Variants in SLC25A13 observed in about 807,000 individuals in gnomAD.
The protein encoded by SLC25A13 is electrogenic aspartate/glutamate antiporter SLC25A13, mitochondrial.
SLC25A13 carries 70 observed loss-of-function variants against 85.5 expected under a neutral mutation model. The observed-to-expected ratio is 0.82, with a 90% CI of 0.68 to 1.00. The LOEUF (loss-of-function observed/expected upper bound fraction) is 1.00. SLC25A13 is among the 50% of genes least tolerant of loss of function. The pLI is 0.00. For missense variants in SLC25A13, 765 were observed against 819.8 expected, an observed-to-expected ratio of 0.93 and a Z score of 0.82; for synonymous variants, 259 against 288.7, an observed-to-expected ratio of 0.90 and a Z score of 1.04.
At chr7:96,213,697 C>T (rs1182824393) in intron 4 of SLC25A13, among the ~76,000 whole-genome samples, 1 of 152,168 alleles carries the variant, frequency 6.6e-6, no homozygotes, top group South Asian at 2.1e-4. Context: ...AGGTAAGAAC[C>T]ACCTGCTAGA....
At chr7:96,196,597 G>C (rs1009029131) in intron 5 of SLC25A13, among the ~76,000 whole-genome samples, 7 of 152,198 alleles carry the variant, frequency 4.6e-5, no homozygotes, top group African/African-American at 1.7e-4. Flanking sequence ...TCTATGAGCA[G>C]GGACCCCTCA....
intron 2 of SLC25A13, among the ~76,000 whole-genome samples, chr7:96,279,094 TG>T (rs1196258313): frequency 1.3e-5 from 2 of 152,276 alleles, no homozygotes; most frequent in African/African-American, 4.8e-5. Context: ...GAAGAGAAAT[TG>T]TTGAGTCAAA....
At chr7:96,224,408 C>T (rs1176766671) in intron 4 of SLC25A13, among the ~76,000 whole-genome samples, 1 of 152,168 alleles carries the variant, frequency 6.6e-6, no homozygotes, top group Non-Finnish European at 1.5e-5. Context: ...GCCCTGACAA[C>T]CACCCTCCCA....
chr7:96,280,038 C>T (rs769569241), intron 2 of SLC25A13, among the ~76,000 whole-genome samples: 38 of 152,294 alleles, frequency 2.5e-4, no homozygotes, highest in African/African-American at 4.8e-4. Context: ...GGCTGACCTA[C>T]GCTCCATGGG....
intron 11 of SLC25A13, among the ~76,000 whole-genome samples, chr7:96,179,919 C>T (rs1794354682): frequency 6.6e-6 from 1 of 152,158 alleles, no homozygotes; most frequent in South Asian, 2.1e-4. Context: ...CACTGTGATT[C>T]TAAAGAATCT....
chr7:96,262,331 C>T (rs1004159744), intron 3 of SLC25A13, among the ~76,000 whole-genome samples: 1 of 152,124 alleles, frequency 6.6e-6, no homozygotes, highest in African/African-American at 2.4e-5. Context: ...GAGGAAAGAA[C>T]AGTATTTGCT....
intron 2 of SLC25A13, among the ~76,000 whole-genome samples, chr7:96,290,402 C>A (rs1005946348): frequency 1.3e-5 from 2 of 152,104 alleles, no homozygotes; most frequent in African/African-American, 2.4e-5. Flanking sequence ...ATCATAAAGA[C>A]AGGATCAAAT....
chr7:96,188,505 G>C lies in SLC25A13; in HGVS notation c.933+789C>G, dbSNP rs566224607. Among the ~76,000 whole-genome samples, 22 of 152,276 alleles carry C rather than the reference G, an allele frequency of 1.4e-4. 1 individual carries two copies. In the South Asian group the frequency reaches 4.6e-3, roughly 32 times the overall value. The stretch of plus-strand genomic sequence containing the variant: ...TGCCAGAAACTGCGAAGTCTCACAG[G>C]ATTCAGAGATGGCTCTGCCTAAAAG... On this transcript the variant is annotated intron_variant, in intron 9 of 17. Coordinates refer to ENST00000265631, the MANE Select transcript of SLC25A13 (RefSeq NM_014251.3).
intron 15 of SLC25A13, among the ~76,000 whole-genome samples, chr7:96,130,826 G>T (rs1236117648): frequency 6.6e-6 from 1 of 152,168 alleles, no homozygotes; most frequent in African/African-American, 2.4e-5. Flanking sequence ...GCCTTTGAAG[G>T]AAAAGGATTA....
chr7:96,209,984 G>A (rs1191637183), intron 4 of SLC25A13, among the ~76,000 whole-genome samples: 1 of 152,022 alleles, frequency 6.6e-6, no homozygotes, highest in Admixed American at 6.6e-5. Flanking sequence ...AAAAGAAGAA[G>A]AAAGTTATTT....
At chr7:96,221,151 T>C (rs560138851) in intron 4 of SLC25A13, among the ~76,000 whole-genome samples, 1 of 152,318 alleles carries the variant, frequency 6.6e-6, no homozygotes, top group Admixed American at 6.5e-5. Flanking sequence ...AATCCGTATT[T>C]AGCTTTTCGT....
At chr7:96,227,611 A>T (rs994371887) in intron 4 of SLC25A13, among the ~76,000 whole-genome samples, 6 of 152,240 alleles carry the variant, frequency 3.9e-5, no homozygotes, top group Non-Finnish European at 7.3e-5. Context: ...ATTCAGATAC[A>T]GTCCCATACT....
At chr7:96,301,243 C>T (rs912626651) in intron 1 of SLC25A13, among the ~76,000 whole-genome samples, 1 of 152,132 alleles carries the variant, frequency 6.6e-6, no homozygotes, top group Non-Finnish European at 1.5e-5. Flanking sequence ...TATTAGACTT[C>T]GTTCATTCTT....
intron 3 of SLC25A13, among the ~76,000 whole-genome samples, 173 bp downstream of exon 3, chr7:96,277,023 A>G (rs1798477786): frequency 6.6e-6 from 1 of 152,212 alleles, no homozygotes; most frequent in South Asian, 2.1e-4. Flanking sequence ...ACTTGAAACA[A>G]TGATTGAAGG....
At chr7:96,210,114 A>C (rs1268522093) in intron 4 of SLC25A13, among the ~76,000 whole-genome samples, 1 of 152,170 alleles carries the variant, frequency 6.6e-6, no homozygotes, top group East Asian at 1.9e-4. Flanking sequence ...GTTTCCAGAA[A>C]TTTTTAAAGC....
intron 3 of SLC25A13, among the ~76,000 whole-genome samples, chr7:96,265,343 A>C (rs1163261053): frequency 6.6e-6 from 1 of 152,224 alleles, no homozygotes; most frequent in Admixed American, 6.5e-5. Context: ...ATTCATTAAC[A>C]TCACCACCAA....
intron 5 of SLC25A13, among the ~76,000 whole-genome samples, chr7:96,206,067 C>A (rs202204705): frequency 6.6e-6 from 1 of 152,290 alleles, no homozygotes; most frequent in East Asian, 1.9e-4. Context: ...CTTCTAGGGA[C>A]CCTCAGTGGA....
intron 3 of SLC25A13, among the ~76,000 whole-genome samples, chr7:96,262,722 C>T (rs1371381670): frequency 6.6e-6 from 1 of 152,122 alleles, no homozygotes; most frequent in Non-Finnish European, 1.5e-5. Flanking sequence ...TCGTGCAAAG[C>T]TCAATTTTAA....
chr7:96,189,150 T>C, intron 9 of SLC25A13, 144 bp downstream of exon 9: 1 of 749,224 alleles, frequency 1.3e-6, no homozygotes, highest in South Asian at 1.5e-5. Flanking sequence ...CTTTACAGCC[T>C]TTAAAATTTA....
Sources: gnomAD v4.1 joint callset for allele counts (sites outside exome capture counted in the v4.1 genomes callset) on GRCh38, gnomAD v4.1.1 for gene constraint, MANE v1.5 for transcripts, NCBI Gene and HGNC (gene_info 2026-07-23, HGNC 2026-07-21) for gene names.